The following ERBIN variants were observed in gnomAD, a reference collection of about 807,000 sequenced individuals.
The protein encoded by ERBIN is erbb2 interacting protein.
A neutral mutation model predicts 158.4 loss-of-function variants in ERBIN; 60 were observed. The observed-to-expected ratio is 0.38, with a 90% CI of 0.31 to 0.47. The LOEUF (loss-of-function observed/expected upper bound fraction) is 0.47, where lower values mean the gene tolerates loss of function less well. Among genes scored for constraint, ERBIN ranks in the 20% least tolerant of loss-of-function variants. The pLI, the probability that ERBIN is intolerant of heterozygous loss-of-function variation, is 0.99. For missense variants in ERBIN, 1,610 were observed against 1,648.0 expected (o/e 0.98, Z 0.40); for synonymous variants, 594 against 557.2 (o/e 1.07, Z -0.93).
intron 1 of ERBIN, among the ~76,000 whole-genome samples, chr5:65,982,872 G>A (rs6870777): frequency 0.04 from 6,140 of 152,198 alleles, 419 homozygotes; most frequent in African/African-American, 0.14. Context: ...GTACACAAAT[G>A]TACTTTTATT....
At chr5:66,051,410 ATTTGTATAG>A (rs979274569) in intron 20 of ERBIN, among the ~76,000 whole-genome samples, 2 of 152,176 alleles carry the variant, frequency 1.3e-5, no homozygotes, top group African/African-American at 4.8e-5. Context: ...ATAAATGTTA[ATTTGTATAG>A]CCTGGAATTT....
intron 21 of ERBIN, among the ~76,000 whole-genome samples, chr5:66,056,104 C>T (rs866057973): frequency 4.0e-4 from 61 of 152,044 alleles, no homozygotes; most frequent in African/African-American, 1.4e-3. Flanking sequence ...TTTCTGGTGA[C>T]GTTGTGGAAC....
chr5:65,964,121 T>C (rs1338551459), intron 1 of ERBIN, among the ~76,000 whole-genome samples: 1 of 152,140 alleles, frequency 6.6e-6, no homozygotes, highest in Non-Finnish European at 1.5e-5. Context: ...TTCTTTCAAG[T>C]TGAAAGTCGG....
chr5:65,952,285 T>C (rs761043348), intron 1 of ERBIN, among the ~76,000 whole-genome samples: 10 of 152,146 alleles, frequency 6.6e-5, no homozygotes, highest in African/African-American at 1.7e-4. Context: ...ACCATAGATA[T>C]ACTACAGAGA....
intron 4 of ERBIN, among the ~76,000 whole-genome samples, chr5:65,999,681 C>T (rs1397864149): frequency 6.6e-6 from 1 of 152,142 alleles, no homozygotes; most frequent in Non-Finnish European, 1.5e-5. Context: ...TGACAATTTC[C>T]ATTTTTGAAG....
At chr5:65,943,208 T>C (rs987542772) in intron 1 of ERBIN, among the ~76,000 whole-genome samples, 6 of 152,200 alleles carry the variant, frequency 3.9e-5, no homozygotes, top group Admixed American at 1.3e-4. Flanking sequence ...TCAGTAGTTA[T>C]AGCTTATGGA....
chr5:65,938,818 C>G (rs1392663114), intron 1 of ERBIN, among the ~76,000 whole-genome samples: 1 of 151,822 alleles, frequency 6.6e-6, no homozygotes, highest in Admixed American at 6.6e-5. Flanking sequence ...CCCAAAGTGC[C>G]GGGATTACAG....
rs1705201795 is a variant in ERBIN at position 66,018,473 on chromosome 5, TTATATATTATATATTATATTA to T, written c.534-2844_534-2824del. Among the ~76,000 whole-genome samples, 4 of 5,062 alleles carry T rather than the reference TTATATATTATATATTATATTA, an allele frequency of 7.9e-4. 1 individual carries two copies. Among genetic ancestry groups the T allele is most frequent in the African/African-American group, 4.2e-3 (4 of 958 alleles). The allele number at this position is 5,062 out of a possible 152,430, so 3.3% of individuals were successfully genotyped here. On this transcript the variant is annotated intron_variant, in intron 7 of 25. Transcript: ENST00000284037. Reference sequence around the variant, plus strand: ...TATATATTATATTATATAATATATATTATATATTATATATTATATTATATAATATATATTATATATTATATA... The same window carrying T: ...TATATATTATATTATATAATATATATTATAATATATATTATATATTATATA...
chr5:66,023,362 G>A lies in ERBIN; in HGVS notation c.670G>A (p.Gly224Arg). 1 of 1,607,362 alleles carries A rather than the reference G, an allele frequency of 6.2e-7. No individual in the cohort carries two copies. Among genetic ancestry groups the A allele is most frequent in the Non-Finnish European group, 8.5e-7 (1 of 1,174,720 alleles). The change falls in exon 9 of 26, where the codon GGG (glycine) becomes AGG (arginine). Residue 224 changes from glycine to arginine, a missense_variant and splice_region_variant. Gly to Arg is a moderately radical substitution (Grantham distance 125, BLOSUM62 -2). Transcript: ENST00000284037. Reference protein sequence around the residue: ...MDANRLTFIPGFIGSLKQLTY... With the variant: ...MDANRLTFIPRFIGSLKQLTY... The stretch of plus-strand genomic sequence containing the variant: ...TGCTAATAGACTGACTTTTATTCCA[G>A]GGGTATGTATATGAGATTTTAAATG...
Position 66,078,498 on chromosome 5 carries a change from G to C in ERBIN, c.4207G>C (p.Glu1403Gln). ...SLLKTFQNTVELIIVREVSS is the reference protein window; with the variant it reads ...SLLKTFQNTVQLIIVREVSS ...GCTAAAAACTTTCCAGAATACAGTT[G>C]AACTCATCATTGTACGAGAAGTTTC... The change falls in exon 26 of 26, where the codon GAA becomes CAA. Residue 1403 changes from glutamate to glutamine, a missense_variant. By Grantham distance (29) the Glu-to-Gln change is conservative (BLOSUM62 2). Around this residue, in one of 2 missense-constraint regions of ERBIN, gnomAD observed 1,014 missense variants for 936.1 expected, o/e 1.08. Transcript: ENST00000284037. 6.2e-7 allele frequency: 1 copy of C among 1,606,174 alleles called. No individual in the cohort carries two copies. Among genetic ancestry groups the C allele is most frequent in the Non-Finnish European group, 8.5e-7 (1 of 1,177,480 alleles).
intron 1 of ERBIN, among the ~76,000 whole-genome samples, chr5:65,981,686 G>C (rs1171902913): frequency 6.6e-6 from 1 of 151,868 alleles, no homozygotes; most frequent in African/African-American, 2.4e-5. Flanking sequence ...ATCTGTTTCT[G>C]TGTTAAGAAT....
In ERBIN at chr5:66,054,616, C is replaced by G. The variant is rs1440899459; in HGVS notation, c.3298C>G (p.Pro1100Ala). 36 of 1,614,110 alleles carry G rather than the reference C, an allele frequency of 2.2e-5. No individual in the cohort carries two copies. The highest frequency in any genetic ancestry group is 1.7e-4 in the Middle Eastern group (1 of 6,060). ...DPGSTRRAQIPEGDYLSYREF... is the reference protein window; with the variant it reads ...DPGSTRRAQIAEGDYLSYREF... ...AGGCTCTACAAGGCGGGCTCAGATT[C>G]CTGAAGGAGATTATTTATCATACAG... The change falls in exon 21 of 26, where the codon CCT becomes GCT. Residue 1100 changes from proline to alanine, a missense_variant. Coordinates refer to ENST00000284037, the MANE Select transcript of ERBIN (RefSeq NM_001253697.2).
intron 16 of ERBIN, 48 bp downstream of exon 16, chr5:66,043,246 T>C (rs1332131463): frequency 2.5e-6 from 4 of 1,584,658 alleles, no homozygotes; most frequent in African/African-American, 2.7e-5. Context: ...TCTGCTGATA[T>C]TTAAGTTGGT....
At chr5:66,010,748 TACAA>T (rs1232893309) in intron 4 of ERBIN, among the ~76,000 whole-genome samples, 2 of 152,214 alleles carry the variant, frequency 1.3e-5, no homozygotes, top group Non-Finnish European at 1.5e-5. Context: ...CAATGGATCT[TACAA>T]ACACAGGCTA....
chr5:66,022,098 A>C (rs529192479), intron 8 of ERBIN, among the ~76,000 whole-genome samples: 5 of 152,196 alleles, frequency 3.3e-5, no homozygotes, highest in Non-Finnish European at 5.9e-5. Flanking sequence ...GGAATTTCTC[A>C]AAACTGCTTG....
intron 1 of ERBIN, among the ~76,000 whole-genome samples, chr5:65,971,004 T>C (rs1749183701): frequency 6.6e-6 from 1 of 152,228 alleles, no homozygotes; most frequent in Non-Finnish European, 1.5e-5. Context: ...TTTGTCATAT[T>C]TGTATTTGTT....
intron 1 of ERBIN, among the ~76,000 whole-genome samples, chr5:65,958,596 CAGAGGGAGACCGTGGAAGG>C (rs532201911): frequency 0.016 from 2,243 of 140,630 alleles, 28 homozygotes; most frequent in Non-Finnish European, 0.023. Flanking sequence ...GGCTGGGCAT[CAGAGGGAGACCGTGGAAGG>C]AGAGGGAGAC....
At chr5:66,008,804 C>A (rs1042678190) in intron 4 of ERBIN, among the ~76,000 whole-genome samples, 2 of 152,160 alleles carry the variant, frequency 1.3e-5, no homozygotes, top group East Asian at 3.9e-4. Flanking sequence ...TTGCTCCACC[C>A]AAACATGGAA....
intron 21 of ERBIN, among the ~76,000 whole-genome samples, chr5:66,066,525 A>AAAAAAAT (rs1561450784): frequency 4.0e-5 from 6 of 149,664 alleles, no homozygotes; most frequent in African/African-American, 1.5e-4. Context: ...CCAAAAATAA[A>AAAAAAAT]AAAAAAAAAA....
Sources: gnomAD v4.1 joint callset for allele counts (sites outside exome capture counted in the v4.1 genomes callset) on GRCh38, gnomAD v4.1.1 for gene constraint, gnomAD v4.1.1 regional missense constraint, MANE v1.5 for transcripts, NCBI Gene and HGNC (gene_info 2026-07-23, HGNC 2026-07-21) for gene names.